The following CDH8 variants were observed in gnomAD, a reference collection of about 807,000 sequenced individuals.
CDH8 encodes the protein cadherin 8.
In CDH8, 17 loss-of-function variants were observed where a neutral mutation model predicts 68.1. That is an observed-to-expected ratio of 0.25 (90% CI 0.17 to 0.37). CDH8 has a LOEUF of 0.37. Among genes scored for constraint, CDH8 ranks in the 10% least tolerant of loss-of-function variants. The pLI, the probability that CDH8 is intolerant of heterozygous loss-of-function variation, is 1.00. For synonymous variants in CDH8, 372 were observed against 365.1 expected, an observed-to-expected ratio of 1.02 and a Z score of -0.21; for missense variants, 763 against 999.3, an observed-to-expected ratio of 0.76 and a Z score of 3.19.
Position 61,783,604 on chromosome 16 carries a change from T to C in CDH8, c.1414+5742A>G, listed in dbSNP as rs571054081. 1.3e-3 allele frequency among the ~76,000 whole-genome samples: 195 copies of C among 149,872 alleles called. 6 individuals carry two copies. The East Asian group carries it at 0.021, about 16-fold the overall frequency. On this transcript the variant is annotated intron_variant, in intron 8 of 11. Coordinates refer to ENST00000577390, the MANE Select transcript of CDH8 (RefSeq NM_001796.5). Reference sequence around the variant, plus strand: ...ACAGAGAACGCCACAAAGATACTCCTCAAGAAGAGCAACTCCAAGACACAT... The same window carrying C: ...ACAGAGAACGCCACAAAGATACTCCCCAAGAAGAGCAACTCCAAGACACAT...
chr16:62,026,274 A>G (rs1469663978), intron 1 of CDH8, among the ~76,000 whole-genome samples: 1 of 152,220 alleles, frequency 6.6e-6, no homozygotes, highest in Non-Finnish European at 1.5e-5. Context: ...TCAAATATTA[A>G]CGTGCATCCA....
At chr16:61,838,505 G>A (rs1962615049) in intron 4 of CDH8, among the ~76,000 whole-genome samples, 2 of 152,118 alleles carry the variant, frequency 1.3e-5, no homozygotes, top group African/African-American at 4.8e-5. Flanking sequence ...GATACCCACT[G>A]TTGATAAAAG....
intron 10 of CDH8, among the ~76,000 whole-genome samples, chr16:61,702,257 A>G (rs1964444272): frequency 6.6e-6 from 1 of 152,180 alleles, no homozygotes; most frequent in Non-Finnish European, 1.5e-5. Context: ...CTGTAGTCCC[A>G]GCTACTTAGG....
intron 2 of CDH8, among the ~76,000 whole-genome samples, chr16:61,905,891 T>C (rs1185332129): frequency 6.7e-6 from 1 of 150,312 alleles, no homozygotes; most frequent in Non-Finnish European, 1.5e-5. Context: ...CAAGACTCCG[T>C]CTTGAAAAAA....
chr16:61,709,712 G>A (rs1166295121), intron 10 of CDH8, among the ~76,000 whole-genome samples: 1 of 150,406 alleles, frequency 6.6e-6, no homozygotes, highest in African/African-American at 2.4e-5. Context: ...TTTCGTTTTG[G>A]CAATGGAGCT....
chr16:61,897,528 A>G (rs1240109544), intron 3 of CDH8, among the ~76,000 whole-genome samples: 1 of 152,224 alleles, frequency 6.6e-6, no homozygotes, highest in Non-Finnish European at 1.5e-5. Context: ...ATATTTCTGC[A>G]GTTTTCTTTC....
intron 10 of CDH8, chr16:61,711,768 A>T (rs1339571254): frequency 6.6e-6 from 1 of 151,746 alleles, no homozygotes; most frequent in Non-Finnish European, 1.5e-5. Context: ...AATCACAGTG[A>T]ACATAAGTCC....
At chr16:62,028,384 C>T (rs1190059684) in intron 1 of CDH8, among the ~76,000 whole-genome samples, 1 of 151,860 alleles carries the variant, frequency 6.6e-6, no homozygotes, top group Non-Finnish European at 1.5e-5. Flanking sequence ...CCACTTTTTG[C>T]TCTGTTACTG....
intron 10 of CDH8, among the ~76,000 whole-genome samples, chr16:61,679,325 T>C (rs1963971372): frequency 6.6e-6 from 1 of 152,030 alleles, no homozygotes; most frequent in African/African-American, 2.4e-5. Flanking sequence ...GATGGGACAT[T>C]ATCAGGAAAA....
intron 2 of CDH8, among the ~76,000 whole-genome samples, chr16:61,990,745 G>A (rs1209970702): frequency 6.6e-6 from 1 of 151,946 alleles, no homozygotes; most frequent in Non-Finnish European, 1.5e-5. Flanking sequence ...GATTGCTCAA[G>A]CCCAGGAGGA....
At chr16:61,743,969 G>C (rs1052169230) in intron 8 of CDH8, among the ~76,000 whole-genome samples, 3 of 152,084 alleles carry the variant, frequency 2.0e-5, no homozygotes, top group African/African-American at 7.2e-5. Flanking sequence ...AATAATTTAA[G>C]TTTTTGTTGT....
chr16:61,668,361 C>T (rs1002374299), intron 10 of CDH8, among the ~76,000 whole-genome samples: 2 of 151,852 alleles, frequency 1.3e-5, no homozygotes, highest in Non-Finnish European at 2.9e-5. Context: ...AGTATGCTTG[C>T]TCTTACTCAA....
chr16:62,021,284 A>G lies in CDH8; in HGVS notation c.120T>C (p.Ser40=). Reference sequence around the variant, plus strand: ...GACTGTTTAGTTCCAAAGGGGATCCACTCATTAAAACTTGAGACTGATTCA... The same window carrying G: ...GACTGTTTAGTTCCAAAGGGGATCCGCTCATTAAAACTTGAGACTGATTCA... ...APMNQSQVLM[S]GSPLELNSLG... The change falls in exon 2 of 12, where the codon AGT becomes AGC. Residue 40 remains serine (S), a synonymous_variant. Transcript: ENST00000577390. 6.2e-7 allele frequency: 1 copy of G among 1,613,970 alleles called. No individual in the cohort carries two copies. The highest frequency in any genetic ancestry group is 8.5e-7 in the Non-Finnish European group (1 of 1,179,912).
At chr16:61,844,287 GA>G (rs1962755156) in intron 4 of CDH8, among the ~76,000 whole-genome samples, 1 of 106,154 alleles carries the variant, frequency 9.4e-6, no homozygotes, top group South Asian at 3.9e-4. Flanking sequence ...GGGGTGGGGG[GA>G]GGGGGGAGGG....
intron 2 of CDH8, among the ~76,000 whole-genome samples, chr16:61,994,236 A>G (rs1965774748): frequency 6.6e-6 from 1 of 152,140 alleles, no homozygotes; most frequent in Non-Finnish European, 1.5e-5. Flanking sequence ...CCAGTGTAAT[A>G]AATCCCATAT....
chr16:61,751,647 TC>T (rs1960168900), intron 8 of CDH8, among the ~76,000 whole-genome samples: 1 of 152,018 alleles, frequency 6.6e-6, no homozygotes, highest in Admixed American at 6.6e-5. Flanking sequence ...AACTCTGAAT[TC>T]AAATGCAAGG....
At chr16:61,992,452 G>A (rs12149216) in intron 2 of CDH8, among the ~76,000 whole-genome samples, 1 of 104,458 alleles carries the variant, frequency 9.6e-6, no homozygotes, top group Non-Finnish European at 1.8e-5. Context: ...GGGGTGGGGG[G>A]AGGGGGGAGG....
chr16:61,659,602 C>T (rs1181142291), intron 10 of CDH8, among the ~76,000 whole-genome samples: 1 of 152,148 alleles, frequency 6.6e-6, no homozygotes, highest in South Asian at 2.1e-4. Flanking sequence ...GAATATGGAG[C>T]CTCAATCGCC....
chr16:61,985,436 G>T (rs906615437), intron 2 of CDH8, among the ~76,000 whole-genome samples: 1 of 152,190 alleles, frequency 6.6e-6, no homozygotes. Flanking sequence ...TTCACAGAAT[G>T]CACTATTGGA....
Sources: allele counts gnomAD v4.1 joint callset (sites outside exome capture counted in the v4.1 genomes callset), GRCh38; gene constraint gnomAD v4.1.1; transcripts MANE v1.5; gene names NCBI Gene and HGNC (gene_info 2026-07-23, HGNC 2026-07-21).